The following TXLNA variants were observed in gnomAD, a reference collection of about 807,000 sequenced individuals.
TXLNA encodes the protein alpha-taxilin.
In TXLNA, 9 loss-of-function variants were observed where a neutral mutation model predicts 61.4. That is an observed-to-expected ratio of 0.15 (90% CI 0.09 to 0.26). TXLNA has a LOEUF of 0.26. TXLNA is among the 10% of genes least tolerant of loss of function. The probability of loss-of-function intolerance (pLI) is 1.00; values close to 1 mark genes in which losing one functional copy is unlikely to be tolerated. For missense variants in TXLNA, 565 were observed against 688.8 expected, an observed-to-expected ratio of 0.82 and a Z score of 2.01; for synonymous variants, 257 against 267.7, an observed-to-expected ratio of 0.96 and a Z score of 0.39.
chr1:32,181,681 T>C, intron 3 of TXLNA, 104 bp downstream of exon 3: 1 of 1,123,880 alleles, frequency 8.9e-7, no homozygotes, highest in Non-Finnish European at 1.2e-6. Flanking sequence ...AAAACGGTAC[T>C]TCTCAGAGCA....
At chr1:32,187,811 G>GTGGT in intron 4 of TXLNA, 143 bp from the exon 5 acceptor site, 1 of 826,602 alleles carries the variant, frequency 1.2e-6, no homozygotes, top group South Asian at 2.1e-5. Flanking sequence ...GTAAGCACCG[G>GTGGT]CACAGCATCA....
intron 2 of TXLNA, 120 bp from the exon 3 acceptor site, chr1:32,181,121 TA>T (rs557972962): frequency 5.2e-3 from 3,409 of 651,264 alleles, no homozygotes; most frequent in South Asian, 9.3e-3. Context: ...TCAGTTTCCA[TA>T]AAAAAAAAAG....
chr1:32,192,474 AG>A lies in TXLNA; in HGVS notation c.1083+46del. 6.2e-7 allele frequency: 1 copy of A among 1,608,976 alleles called. No individual in the cohort carries two copies. Among genetic ancestry groups the A allele is most frequent in the Non-Finnish European group, 8.5e-7 (1 of 1,176,388 alleles). On this transcript the variant is annotated intron_variant, in intron 7 of 10. Transcript: ENST00000373610. This position sits in a 1 kb window ranked among gnomAD's most constrained non-coding sequence, Gnocchi z 4.2. Reference sequence around the variant, plus strand: ...GGTTGGGGTGGGGGTGGGAGGAGACAGGCTGGGCTCTGGCTCAGCTCATAGC... The same window carrying A: ...GGTTGGGGTGGGGGTGGGAGGAGACAGCTGGGCTCTGGCTCAGCTCATAGC...
intron 6 of TXLNA, among the ~76,000 whole-genome samples, chr1:32,191,686 T>G (rs61781201): frequency 0.017 from 2,545 of 152,298 alleles, 28 homozygotes; most frequent in Non-Finnish European, 0.026. Flanking sequence ...CAAACTGGAC[T>G]TACCTGCTAG....
Position 32,180,329 on chromosome 1 carries a change from C to T in TXLNA, c.-17C>T, listed in dbSNP as rs1271044304. On this transcript the variant is annotated 5_prime_UTR_variant, in exon 2 of 11. Transcript: ENST00000373610. ...GTTTCTAAAGGATCTTCTCCTGACC[C>T]AGCATCGCTCATCACAATGAAGAAC... The T allele has an allele frequency of 2.5e-6, 4 of 1,600,704 alleles. No individual in the cohort carries two copies. The highest frequency in any genetic ancestry group is 3.4e-6 in the Non-Finnish European group (4 of 1,175,162).
At chr1:32,180,105 C>T in intron 1 of TXLNA, 3 of 477,638 alleles carry the variant, frequency 6.3e-6, no homozygotes, top group Non-Finnish European at 1.1e-5. Context: ...CCTCTTCCCT[C>T]ACCCGCTGTG....
chr1:32,194,276 T>C, intron 10 of TXLNA, 116 bp downstream of exon 10: 2 of 830,418 alleles, frequency 2.4e-6, no homozygotes, highest in Admixed American at 4.6e-5. Flanking sequence ...AGGTGAGATT[T>C]GCACACAATG....
intron 4 of TXLNA, among the ~76,000 whole-genome samples, chr1:32,185,070 C>T (rs921740868): frequency 7.9e-5 from 12 of 152,172 alleles, no homozygotes; most frequent in Non-Finnish European, 1.3e-4. Flanking sequence ...TAGGATGCCC[C>T]CTTCTAGCTT....
intron 3 of TXLNA, among the ~76,000 whole-genome samples, chr1:32,182,333 G>C (rs1447946817): frequency 6.6e-6 from 1 of 152,022 alleles, no homozygotes; most frequent in Non-Finnish European, 1.5e-5. Flanking sequence ...TGGGGAATAG[G>C]CAGTGACAGT....
chr1:32,181,383 C>T lies in TXLNA; in HGVS notation c.311C>T (p.Pro104Leu), dbSNP rs971957329. The T allele has an allele frequency of 3.1e-6, 5 of 1,614,016 alleles. No homozygotes were observed. The highest frequency in any genetic ancestry group is 2.2e-5 in the East Asian group (1 of 44,892). The change falls in exon 3 of 11, where the codon CCG (proline) becomes CTG (leucine). Residue 104 changes from proline (P) to leucine (L), a missense_variant. This residue lies in a region of TXLNA where 192 missense variants were observed against 184.8 expected (regional missense o/e 1.04). Coordinates refer to ENST00000373610, the MANE Select transcript of TXLNA (RefSeq NM_175852.4). ...GGCGAGGATGGGGCACAGGGTGAGCCGGCTGAACCCGAAGATGCAGAGAAG... is the reference window on the plus strand; with the variant it reads ...GGCGAGGATGGGGCACAGGGTGAGCTGGCTGAACCCGAAGATGCAGAGAAG... The part of the protein sequence containing the change: ...GPGEDGAQGE[P>L]AEPEDAEKSR...
intron 4 of TXLNA, among the ~76,000 whole-genome samples, chr1:32,187,589 G>T (rs904895358): frequency 6.6e-6 from 1 of 152,204 alleles, no homozygotes; most frequent in Non-Finnish European, 1.5e-5. Context: ...TAGGCACAAG[G>T]TACGGTAGCA....
intron 5 of TXLNA, among the ~76,000 whole-genome samples, chr1:32,188,702 G>A (rs1464202241): frequency 2.0e-5 from 3 of 151,786 alleles, no homozygotes; most frequent in Non-Finnish European, 4.4e-5. Context: ...AATGCCTTAC[G>A]TTAAGAGAGT....
In TXLNA at chr1:32,192,815, C is replaced by G; in HGVS notation, c.1158+84C>G. The stretch of plus-strand genomic sequence containing the variant: ...GGGGTAGTGAAATGGGACCCTCATT[C>G]TAGGACTGGCTGTGTCCTGGCTGCT... On this transcript the variant is annotated intron_variant, in intron 8 of 10. Coordinates refer to ENST00000373610, the MANE Select transcript of TXLNA (RefSeq NM_175852.4). The surrounding 1 kb of genome is among the most constrained non-coding windows in gnomAD (Gnocchi z 4.2). The G allele has an allele frequency of 2.2e-6, 3 of 1,393,702 alleles. No homozygotes were observed. The highest frequency in any genetic ancestry group is 3.0e-6 in the Non-Finnish European group (3 of 985,622). The allele number at this position is 1,393,702 out of a possible 1,614,324, so 86.3% of individuals were successfully genotyped here. A position where few individuals can be genotyped will look rare whatever the true frequency, so the allele number is the denominator to read the frequency against.
rs1423828778 is a variant in TXLNA at position 32,181,331 on chromosome 1, T to C, written c.259T>C (p.Cys87Arg). The change falls in exon 3 of 11, where the codon TGT becomes CGT. Residue 87 changes from cysteine to arginine, a missense_variant. Coordinates refer to ENST00000373610, the MANE Select transcript of TXLNA (RefSeq NM_175852.4). The part of the protein sequence containing the change: ...RQLEDILSTY[C>R]VDNNQGGPGE... ...ACTGGAAGACATACTGAGCACATAC[T>C]GTGTGGACAATAACCAGGGGGGCCC... 1 of 1,614,170 alleles carries C rather than the reference T, an allele frequency of 6.2e-7. No individual in the cohort carries two copies. The highest frequency in any genetic ancestry group is 1.3e-5 in the African/African-American group (1 of 75,048).
rs1642872615 is a variant in TXLNA, at chr1:32,190,105, G to C, written c.819G>C (p.Val273=). The C allele has an allele frequency of 7.5e-6, 12 of 1,592,492 alleles. No homozygotes were observed. The highest frequency in any genetic ancestry group is 1.0e-5 in the Non-Finnish European group (12 of 1,169,784). ...AREEEEKRKE[V]TSHFQVTLND... is the part of the protein sequence containing the mutation. ...AGGAGGAGGAGAAGCGCAAGGAGGT[G>C]ACCTCGCACTTCCAGGTGACACTGA... The change falls in exon 6 of 11, where the codon GTG becomes GTC. Residue 273 remains valine (V), a synonymous_variant. Coordinates refer to ENST00000373610, the MANE Select transcript of TXLNA (RefSeq NM_175852.4).
chr1:32,180,085 G>T, intron 1 of TXLNA: 1 of 370,224 alleles, frequency 2.7e-6, no homozygotes, highest in Non-Finnish European at 4.9e-6. Flanking sequence ...GTGGCTCCAG[G>T]GAGAAGAGGC....
At chr1:32,191,717 A>G (rs1386998294) in intron 6 of TXLNA, among the ~76,000 whole-genome samples, 1 of 152,126 alleles carries the variant, frequency 6.6e-6, no homozygotes, top group Non-Finnish European at 1.5e-5. Flanking sequence ...TTCCCCATCC[A>G]AAAAAATGGA....
chr1:32,180,535 G>A (rs998437413), intron 2 of TXLNA, 21 bp downstream of exon 2: 2 of 1,576,678 alleles, frequency 1.3e-6, no homozygotes, highest in Non-Finnish European at 1.7e-6. Context: ...GCTCTGCGTT[G>A]CCAGCGGGCA....
rs1351636242 is a variant in TXLNA, at chr1:32,194,575, C to T, written c.1348-327C>T. Among the ~76,000 whole-genome samples the T allele has an allele frequency of 1.1e-4, 17 of 152,216 alleles. No homozygotes were observed. In the East Asian group the frequency reaches 2.1e-3, roughly 19 times the overall value. On this transcript the variant is annotated intron_variant, in intron 10 of 10. Coordinates refer to ENST00000373610, the MANE Select transcript of TXLNA (RefSeq NM_175852.4). Reference sequence around the variant, plus strand: ...TTTTGCTGCTGAATGTTTTTAGGTACGTTGTTCATTGAACCTTCTCTTGAG... The same window carrying T: ...TTTTGCTGCTGAATGTTTTTAGGTATGTTGTTCATTGAACCTTCTCTTGAG...
Sources: gnomAD v4.1 joint callset for allele counts (sites outside exome capture counted in the v4.1 genomes callset) on GRCh38, gnomAD v4.1.1 for gene constraint, gnomAD v4.1.1 regional missense constraint, Gnocchi (gnomAD v3.1) non-coding constraint, MANE v1.5 for transcripts, NCBI Gene and HGNC (gene_info 2026-07-23, HGNC 2026-07-21) for gene names.